The following ANKRD28 variants were observed in gnomAD, a reference collection of about 807,000 sequenced individuals.
ANKRD28 encodes ankyrin repeat domain 28, also known as serine/threonine-protein phosphatase 6 regulatory ankyrin repeat subunit A.
A neutral mutation model predicts 126.5 loss-of-function variants in ANKRD28; 44 were observed. The ratio of observed to expected loss-of-function variants is 0.35; its 90% CI spans 0.27 to 0.45. ANKRD28 has a LOEUF of 0.45. Among genes scored for constraint, ANKRD28 ranks in the 20% least tolerant of loss-of-function variants. The pLI is 1.00. For missense variants in ANKRD28, 1,110 were observed against 1,316.6 expected, an observed-to-expected ratio of 0.84 and a Z score of 2.43; for synonymous variants, 442 against 468.5, an observed-to-expected ratio of 0.94 and a Z score of 0.73.
At chr3:15,762,209 A>AC (rs370638074) in intron 3 of ANKRD28, among the ~76,000 whole-genome samples, 7,729 of 42,284 alleles carry the variant, frequency 0.18, 174 homozygotes, top group Non-Finnish European at 0.22. Flanking sequence ...AAAAAAAAAA[A>AC]AAAACAAAAC....
chr3:15,835,639 C>T (rs991880932), intron 1 of ANKRD28, among the ~76,000 whole-genome samples: 5 of 152,172 alleles, frequency 3.3e-5, no homozygotes, highest in African/African-American at 1.2e-4. Flanking sequence ...TAGTAAGATA[C>T]TTAGAAATTG....
At chr3:15,842,080 T>C (rs910694596) in intron 1 of ANKRD28, among the ~76,000 whole-genome samples, 3 of 147,934 alleles carry the variant, frequency 2.0e-5, no homozygotes, top group Non-Finnish European at 4.5e-5. Flanking sequence ...TTTATAATTT[T>C]TATATTATTT....
intron 2 of ANKRD28, among the ~76,000 whole-genome samples, chr3:15,774,878 T>G (rs1006873154): frequency 1.3e-5 from 2 of 152,298 alleles, no homozygotes; most frequent in African/African-American, 4.8e-5. Flanking sequence ...TATTTATGTA[T>G]GTATGTATTT....
chr3:15,782,472 A>C (rs2059582432), intron 2 of ANKRD28, among the ~76,000 whole-genome samples: 1 of 152,128 alleles, frequency 6.6e-6, no homozygotes, highest in Admixed American at 6.6e-5. Context: ...ACAAATACAC[A>C]AATATTAAGT....
intron 14 of ANKRD28, among the ~76,000 whole-genome samples, chr3:15,706,100 TTTA>T (rs2071343369): frequency 6.6e-6 from 1 of 152,126 alleles, no homozygotes; most frequent in Admixed American, 6.6e-5. Flanking sequence ...AAATCTTTTT[TTTA>T]TTGTTATACT....
chr3:15,740,707 T>C (rs1197410221), intron 4 of ANKRD28, among the ~76,000 whole-genome samples: 1 of 152,266 alleles, frequency 6.6e-6, no homozygotes, highest in African/African-American at 2.4e-5. Context: ...GAAATACTTA[T>C]GTTCCATTAG....
chr3:15,792,107 GA>G (rs141723673), intron 2 of ANKRD28, among the ~76,000 whole-genome samples: 3,892 of 152,256 alleles, frequency 0.026, 174 homozygotes, highest in African/African-American at 0.087. Context: ...AAAGAAAAGG[GA>G]ACCCTTGTTC....
In ANKRD28 at chr3:15,832,200, T is replaced by C. The variant is rs185443898; in HGVS notation, c.27+27177A>G. On this transcript the variant is annotated intron_variant, in intron 1 of 27. Coordinates refer to the ANKRD28 transcript ENST00000399451. Reference sequence around the variant, plus strand: ...TCAGATAGTGCTACAGGGAAATAAATAGAATAAAGGAAGAAATTTCTCTGC... The same window carrying C: ...TCAGATAGTGCTACAGGGAAATAAACAGAATAAAGGAAGAAATTTCTCTGC... Among the ~76,000 whole-genome samples, 224 of 152,266 alleles carry C rather than the reference T, an allele frequency of 1.5e-3. 1 individual carries two copies. Among genetic ancestry groups the C allele is most frequent in the Non-Finnish European group, 5.1e-4 (35 of 68,002 alleles).
At chr3:15,849,197 C>T (rs1377659100) in intron 1 of ANKRD28, among the ~76,000 whole-genome samples, 1 of 152,122 alleles carries the variant, frequency 6.6e-6, no homozygotes, top group African/African-American at 2.4e-5. Flanking sequence ...CATGGAAAGA[C>T]TATTATCATT....
intron 1 of ANKRD28, among the ~76,000 whole-genome samples, chr3:15,809,217 T>C (rs2060655109): frequency 6.6e-6 from 1 of 152,164 alleles, no homozygotes; most frequent in Non-Finnish European, 1.5e-5. Context: ...TTACATAAAG[T>C]TTTCCTAAAC....
rs1040352458 is a variant in ANKRD28 at position 15,830,056 on chromosome 3, T to C, written c.27+29321A>G. ...CAGGGTGAAGTGTAATGTAAGTAAT[T>C]TATACTTAAAAACAATCTTAAGGGA... is the stretch of plus-strand genomic sequence containing the variant. On this transcript the variant is annotated intron_variant, in intron 1 of 27. Transcript: ENST00000399451. This position sits in a 1 kb window ranked among gnomAD's most constrained non-coding sequence, Gnocchi z 4.5. Among the ~76,000 whole-genome samples, 5 of 152,102 alleles carry C rather than the reference T, an allele frequency of 3.3e-5. No individual in the cohort carries two copies. Among genetic ancestry groups the C allele is most frequent in the Non-Finnish European group, 4.4e-5 (3 of 68,004 alleles).
Position 15,815,341 on chromosome 3 carries a change from CT to C in ANKRD28, c.28-20036del, listed in dbSNP as rs1490208117. Among the ~76,000 whole-genome samples the C allele has an allele frequency of 1.3e-5, 2 of 152,148 alleles. No homozygotes were observed. Among genetic ancestry groups the C allele is most frequent in the Non-Finnish European group, 2.9e-5 (2 of 68,026 alleles). On this transcript the variant is annotated intron_variant, in intron 1 of 27. Coordinates refer to the ANKRD28 transcript ENST00000399451. The surrounding 1 kb of genome is among the most constrained non-coding windows in gnomAD (Gnocchi z 4.1). ...TTTTCTTTTATGACAAAATTTTGCC[CT>C]GTCACCCAGGTTGGAGTACAGTGGC... is the stretch of plus-strand genomic sequence containing the variant.
intron 1 of ANKRD28, among the ~76,000 whole-genome samples, chr3:15,837,894 G>GAA (rs60317341): frequency 2.1e-5 from 2 of 94,186 alleles, no homozygotes; most frequent in African/African-American, 3.6e-5. Flanking sequence ...AAGCTAACCA[G>GAA]AAAAAAAAAA....
chr3:15,767,484 G>A (rs1350096774), intron 2 of ANKRD28, among the ~76,000 whole-genome samples: 1 of 151,962 alleles, frequency 6.6e-6, no homozygotes, highest in Non-Finnish European at 1.5e-5. Context: ...GGCCTCCCTT[G>A]AAGTTGTTGC....
chr3:15,761,320 T>G (rs1053141818), intron 3 of ANKRD28, among the ~76,000 whole-genome samples: 2 of 152,208 alleles, frequency 1.3e-5, no homozygotes, highest in Non-Finnish European at 1.5e-5. Context: ...TTACTAACTA[T>G]AAACAAATTA....
Position 15,814,778 on chromosome 3 carries a change from G to A in ANKRD28, c.28-19472C>T, listed in dbSNP as rs2166759. 0.53 allele frequency among the ~76,000 whole-genome samples: 80,517 copies of A among 151,492 alleles called. 22,282 individuals carry two copies. The highest frequency in any genetic ancestry group is 0.61 in the Admixed American group (9,316 of 15,226). Reference sequence around the variant, plus strand: ...AAAGTTTAAAATATTCAATCTATACGCTTTTTGAATATGTAGAACATACTC... The same window carrying A: ...AAAGTTTAAAATATTCAATCTATACACTTTTTGAATATGTAGAACATACTC... On this transcript the variant is annotated intron_variant, in intron 1 of 27. Transcript: ENST00000399451. This position sits in a 1 kb window ranked among gnomAD's most constrained non-coding sequence, Gnocchi z 4.7.
rs1553649981 is a variant in ANKRD28 at position 15,850,198 on chromosome 3, A to ATAT, written c.27+9178_27+9179insATA. On this transcript the variant is annotated intron_variant, in intron 1 of 27. Transcript: ENST00000399451. ...TGGGTATCTACATGCAATAAAAAAA[A>ATAT]AAAAAAATATATATATATATATATA... Among the ~76,000 whole-genome samples the ATAT allele has an allele frequency of 2.8e-4, 12 of 42,132 alleles. No homozygotes were observed. The East Asian group carries it at 6.0e-3, about 21-fold the overall frequency. The allele number at this position is 42,132 out of a possible 152,430, so 27.6% of individuals were successfully genotyped here. A position where few individuals can be genotyped will look rare whatever the true frequency, so the allele number is the denominator to read the frequency against.
chr3:15,858,050 T>G (rs908615101), intron 1 of ANKRD28, among the ~76,000 whole-genome samples: 1 of 152,246 alleles, frequency 6.6e-6, no homozygotes, highest in Admixed American at 6.5e-5. Context: ...TCTCTAACAC[T>G]GCTGTCCAGT....
intron 1 of ANKRD28, among the ~76,000 whole-genome samples, chr3:15,803,270 C>A (rs1330707875): frequency 6.6e-6 from 1 of 152,110 alleles, no homozygotes; most frequent in African/African-American, 2.4e-5. Context: ...CTGCAGTAAT[C>A]CAACAGAGTG....
Sources: allele counts gnomAD v4.1 joint callset (sites outside exome capture counted in the v4.1 genomes callset), GRCh38; gene constraint gnomAD v4.1.1; non-coding constraint Gnocchi (gnomAD v3.1); transcripts MANE v1.5; gene names NCBI Gene and HGNC (gene_info 2026-07-23, HGNC 2026-07-21).